RGS6: variants seen among roughly 807,000 people sequenced by gnomAD.
RGS6 encodes the protein regulator of G protein signaling 6.
Under a neutral mutation model 78.5 loss-of-function variants are expected in RGS6, and 30 were observed. That is an observed-to-expected ratio of 0.38 (90% CI 0.29 to 0.52). The LOEUF is 0.52. Ranked by LOEUF, RGS6 falls within the 20% of genes least tolerant of loss-of-function variation. The pLI, the probability that RGS6 is intolerant of heterozygous loss-of-function variation, is 0.85. For synonymous variants in RGS6, 206 were observed against 206.0 expected (o/e 1.00, Z 0.00); for missense variants, 495 against 609.7 (o/e 0.81, Z 1.98).
At chr14:72,166,337 A>G (rs1598709605) in intron 2 of RGS6, among the ~76,000 whole-genome samples, 2 of 152,318 alleles carry the variant, frequency 1.3e-5, no homozygotes, top group Non-Finnish European at 2.9e-5. Flanking sequence ...GAATTCCTTT[A>G]TGTAATTATT....
intron 2 of RGS6, among the ~76,000 whole-genome samples, chr14:72,271,841 G>A (rs542372220): frequency 9.9e-5 from 15 of 152,004 alleles, no homozygotes; most frequent in East Asian, 9.7e-4. Context: ...TCTAGAGGCC[G>A]CTGGCATTCC....
At chr14:72,528,684 GA>G (rs1267025557) in intron 15 of RGS6, among the ~76,000 whole-genome samples, 2 of 152,132 alleles carry the variant, frequency 1.3e-5, no homozygotes, top group Non-Finnish European at 2.9e-5. Context: ...GGAAAGGAGG[GA>G]AGAAGATAAG....
the RGS6 span, among the ~76,000 whole-genome samples, chr14:72,592,620 A>C: frequency 9.2e-5 from 14 of 152,246 alleles, no homozygotes; most frequent in African/African-American, 3.1e-4. Flanking sequence ...AAGGGAGAAG[A>C]TTTGTGAAGA....
At chr14:72,332,908 C>T (rs1045734717) in intron 2 of RGS6, among the ~76,000 whole-genome samples, 1 of 152,194 alleles carries the variant, frequency 6.6e-6, no homozygotes, top group Non-Finnish European at 1.5e-5. Flanking sequence ...CTGGAATCCT[C>T]TCATTTTACT....
At chr14:71,884,142 T>G in the RGS6 span, among the ~76,000 whole-genome samples, 1 of 152,202 alleles carries the variant, frequency 6.6e-6, no homozygotes, top group Non-Finnish European at 1.5e-5. Context: ...CAGTAACAGC[T>G]TTCCTAGGAG....
At chr14:71,885,552 C>T in the RGS6 span, among the ~76,000 whole-genome samples, 4 of 152,188 alleles carry the variant, frequency 2.6e-5, no homozygotes, top group Non-Finnish European at 5.9e-5. Flanking sequence ...GGAATGTCTC[C>T]GTGGTTCTCC....
At chr14:71,993,494 A>T (rs1039760650) in intron 2 of RGS6, among the ~76,000 whole-genome samples, 1 of 152,156 alleles carries the variant, frequency 6.6e-6, no homozygotes, top group African/African-American at 2.4e-5. Context: ...ATATTATTTC[A>T]TCGGATCTTT....
At chr14:72,281,225 T>C (rs1371820014) in intron 2 of RGS6, among the ~76,000 whole-genome samples, 2 of 148,334 alleles carry the variant, frequency 1.3e-5, no homozygotes, top group African/African-American at 5.0e-5. Flanking sequence ...CTCAGCTCAC[T>C]GTAGCCTCCG....
chr14:72,124,927 G>T (rs1007783792), intron 2 of RGS6, among the ~76,000 whole-genome samples: 1 of 152,186 alleles, frequency 6.6e-6, no homozygotes, highest in African/African-American at 2.4e-5. Flanking sequence ...AGAGAAGGTG[G>T]CAGTGCTAGA....
intron 3 of RGS6, among the ~76,000 whole-genome samples, chr14:72,398,813 A>G (rs149013109): frequency 0.019 from 2,821 of 152,254 alleles, 103 homozygotes; most frequent in African/African-American, 0.065. Flanking sequence ...TTATGTACCC[A>G]GTAGCCATTC....
rs919016406 is a variant in RGS6 at position 72,246,758 on chromosome 14, A to C, written c.85-105337A>C. Among the ~76,000 whole-genome samples the C allele has an allele frequency of 5.9e-5, 9 of 152,054 alleles. No homozygotes were observed. In the South Asian group the frequency reaches 1.5e-3, roughly 25 times the overall value. On this transcript the variant is annotated intron_variant, in intron 2 of 17. Transcript: ENST00000553525. ...AACCCCATCTCTACTAAAAATACAAAACTTAGCTGGGCATGGTGGCGTCTG... is the reference window on the plus strand; with the variant it reads ...AACCCCATCTCTACTAAAAATACAACACTTAGCTGGGCATGGTGGCGTCTG...
chr14:72,384,360 A>G (rs2087186709), intron 3 of RGS6, among the ~76,000 whole-genome samples: 1 of 152,250 alleles, frequency 6.6e-6, no homozygotes, highest in Admixed American at 6.5e-5. Context: ...TTCAGTCCAC[A>G]CATGAGAATA....
Position 72,302,536 on chromosome 14 carries a change from T to C in RGS6, c.85-49559T>C, listed in dbSNP as rs762825850. On this transcript the variant is annotated intron_variant, in intron 2 of 17. Coordinates refer to ENST00000553525, the MANE Select transcript of RGS6 (RefSeq NM_001204424.2). ...ACTTTTCCCCCTTTTAGAATACTTA[T>C]TGGAAACCCATACAAAACTCATATC... Among the ~76,000 whole-genome samples, 10 of 152,348 alleles carry C rather than the reference T, an allele frequency of 6.6e-5. No homozygotes were observed. The Middle Eastern group carries it at 0.014, about 207-fold the overall frequency.
intron 14 of RGS6, 90 bp downstream of exon 14, chr14:72,510,369 C>A: frequency 1.3e-6 from 2 of 1,519,044 alleles, no homozygotes; most frequent in Non-Finnish European, 1.8e-6. Context: ...CTCAATGAAA[C>A]GTTATCAGGG....
At chr14:72,081,677 A>G (rs1392384197) in intron 2 of RGS6, among the ~76,000 whole-genome samples, 2 of 152,096 alleles carry the variant, frequency 1.3e-5, no homozygotes, top group Non-Finnish European at 2.9e-5. Flanking sequence ...AAATTTCTCT[A>G]GAATATGTCC....
the RGS6 span, among the ~76,000 whole-genome samples, chr14:72,582,431 G>GA: frequency 5.9e-5 from 9 of 152,190 alleles, no homozygotes; most frequent in South Asian, 2.1e-4. Context: ...TAAATTCATG[G>GA]AAAAAAATGG....
chr14:72,158,714 G>A (rs534510117), intron 2 of RGS6, among the ~76,000 whole-genome samples: 1 of 152,134 alleles, frequency 6.6e-6, no homozygotes, highest in African/African-American at 2.4e-5. Flanking sequence ...GGTAATAATA[G>A]AGCCAGTGAA....
At chr14:72,090,579 G>C (rs907304194) in intron 2 of RGS6, among the ~76,000 whole-genome samples, 1 of 152,138 alleles carries the variant, frequency 6.6e-6, no homozygotes, top group Non-Finnish European at 1.5e-5. Context: ...ATCCCAAAAT[G>C]GTCTCTCCCG....
At chr14:72,168,334 A>C (rs904310652) in intron 2 of RGS6, among the ~76,000 whole-genome samples, 2 of 152,154 alleles carry the variant, frequency 1.3e-5, no homozygotes, top group African/African-American at 4.8e-5. Context: ...ATGTAGGCTC[A>C]GGAAAGGCTC....
Sources: gnomAD v4.1 joint callset for allele counts (sites outside exome capture counted in the v4.1 genomes callset) on GRCh38, gnomAD v4.1.1 for gene constraint, MANE v1.5 for transcripts, NCBI Gene and HGNC (gene_info 2026-07-23, HGNC 2026-07-21) for gene names.